THADA: variants seen among roughly 807,000 people sequenced by gnomAD.
The protein encoded by THADA is tRNA (32-2'-O)-methyltransferase regulator THADA.
Under a neutral mutation model 219.8 loss-of-function variants are expected in THADA, and 213 were observed. The observed-to-expected ratio is 0.97, with a 90% CI of 0.87 to 1.09. THADA has a LOEUF of 1.09. Among genes scored for constraint, THADA ranks in the 50% least tolerant of loss-of-function variants. THADA has a pLI of 0.00. For synonymous variants in THADA, 1,018 were observed against 828.9 expected (o/e 1.23, Z -3.92); for missense variants, 2,956 against 2,311.3 (o/e 1.28, Z -5.72).
At chr2:43,326,888 C>A (rs1679396572) in intron 30 of THADA, among the ~76,000 whole-genome samples, 1 of 152,292 alleles carries the variant, frequency 6.6e-6, no homozygotes, top group South Asian at 2.1e-4. Flanking sequence ...GGGCTGGAAA[C>A]TGCTGTTTTG....
intron 29 of THADA, among the ~76,000 whole-genome samples, chr2:43,368,262 A>C (rs556028434): frequency 6.6e-6 from 1 of 152,318 alleles, no homozygotes; most frequent in East Asian, 1.9e-4. Context: ...CATCTTAAGG[A>C]GGTACAAAAG....
At chr2:43,550,858 G>A (rs999530243) in intron 19 of THADA, among the ~76,000 whole-genome samples, 8 of 152,138 alleles carry the variant, frequency 5.3e-5, no homozygotes, top group African/African-American at 1.9e-4. Context: ...CAGCACAGTG[G>A]CTAAGGCCTG....
At chr2:43,336,819 G>A (rs1474800480) in intron 30 of THADA, among the ~76,000 whole-genome samples, 3 of 152,102 alleles carry the variant, frequency 2.0e-5, no homozygotes, top group Admixed American at 6.6e-5. Flanking sequence ...CAATAGCAAG[G>A]GATACAAACT....
Position 43,291,703 on chromosome 2 carries a change from C to T in THADA, c.5003G>A (p.Cys1668Tyr). 12 of 1,554,422 alleles carry T rather than the reference C, an allele frequency of 7.7e-6. No individual in the cohort carries two copies. The highest frequency in any genetic ancestry group is 2.0e-5 in the Admixed American group (1 of 51,096). The change falls in exon 34 of 38, where the codon TGT (cysteine) becomes TAT (tyrosine). Residue 1668 changes from cysteine (C) to tyrosine (Y), a missense_variant. Coordinates refer to ENST00000405975, the MANE Select transcript of THADA (RefSeq NM_022065.5). Reference protein sequence around the residue: ...SKVISHHMQTCVENRELIAAE... With the variant: ...SKVISHHMQTYVENRELIAAE... ...GATCAGAACCAGCCTTACCTCCACA[C>T]ATGTCTGCATGTGGTGGGAAATGAC...
At chr2:43,246,522 A>AC (rs1231777879) in intron 36 of THADA, among the ~76,000 whole-genome samples, 224 of 151,370 alleles carry the variant, frequency 1.5e-3, no homozygotes, top group African/African-American at 5.1e-3. Context: ...AAACAAACAA[A>AC]AAAAAACAGA....
At chr2:43,445,002 G>A (rs186894709) in intron 26 of THADA, among the ~76,000 whole-genome samples, 7 of 152,268 alleles carry the variant, frequency 4.6e-5, no homozygotes, top group Admixed American at 3.3e-4. Flanking sequence ...AAATGCTGAA[G>A]GCCAAAGCCT....
At chr2:43,518,650 G>C (rs1692031941) in intron 22 of THADA, among the ~76,000 whole-genome samples, 1 of 152,198 alleles carries the variant, frequency 6.6e-6, no homozygotes, top group Admixed American at 6.5e-5. Context: ...TATGAGCAAT[G>C]TCTCTGAGTT....
intron 35 of THADA, among the ~76,000 whole-genome samples, chr2:43,284,431 G>A (rs963023964): frequency 3.9e-5 from 6 of 152,222 alleles, no homozygotes; most frequent in Admixed American, 3.9e-4. Flanking sequence ...TTGCTTCAGA[G>A]GGTGCAAGCC....
intron 31 of THADA, among the ~76,000 whole-genome samples, chr2:43,295,269 A>C (rs1675235786): frequency 6.6e-6 from 1 of 152,378 alleles, no homozygotes; most frequent in Non-Finnish European, 1.5e-5. Context: ...CTAAATGCCC[A>C]AAATCAAATA....
intron 9 of THADA, 87 bp from the exon 10 acceptor site, chr2:43,577,329 C>T (rs1699966135): frequency 1.9e-6 from 2 of 1,070,758 alleles, no homozygotes; most frequent in East Asian, 2.6e-5. Flanking sequence ...CATCTCTTTC[C>T]CCTGAAAAAT....
chr2:43,413,800 C>G (rs62137424), intron 28 of THADA, among the ~76,000 whole-genome samples: 33 of 152,280 alleles, frequency 2.2e-4, no homozygotes, highest in Admixed American at 3.9e-4. Flanking sequence ...TCCCACAGTT[C>G]TTAAATGGAT....
chr2:43,481,678 A>C (rs1686245324), intron 26 of THADA, among the ~76,000 whole-genome samples: 1 of 152,278 alleles, frequency 6.6e-6, no homozygotes, highest in Middle Eastern at 3.4e-3. Context: ...CTGAACTGTA[A>C]ACTCCTTGAG....
intron 21 of THADA, among the ~76,000 whole-genome samples, chr2:43,530,759 C>A (rs1483039568): frequency 6.6e-5 from 10 of 152,202 alleles, no homozygotes. Flanking sequence ...TATTCAAACT[C>A]CCTTCGAAGA....
At chr2:43,577,368 A>T in intron 9 of THADA, 126 bp from the exon 10 acceptor site, 1 of 727,486 alleles carries the variant, frequency 1.4e-6, no homozygotes, top group South Asian at 1.9e-5. Flanking sequence ...ATCCAAAGAT[A>T]AAATACCCAC....
At chr2:43,550,992 C>G (rs1696679035) in intron 19 of THADA, among the ~76,000 whole-genome samples, 1 of 152,182 alleles carries the variant, frequency 6.6e-6, no homozygotes, top group African/African-American at 2.4e-5. Flanking sequence ...GGTATTTAGA[C>G]TAACAACAGG....
At chr2:43,444,491 G>C (rs1681264058) in intron 26 of THADA, among the ~76,000 whole-genome samples, 1 of 152,110 alleles carries the variant, frequency 6.6e-6, no homozygotes, top group Non-Finnish European at 1.5e-5. Flanking sequence ...TCTAGTTCTT[G>C]AGTTTTTAGA....
intron 26 of THADA, among the ~76,000 whole-genome samples, chr2:43,461,569 T>A (rs182471227): frequency 6.6e-6 from 1 of 152,178 alleles, no homozygotes; most frequent in Non-Finnish European, 1.5e-5. Flanking sequence ...TCTGGGTTAA[T>A]AGAGTCTTTG....
intron 26 of THADA, among the ~76,000 whole-genome samples, chr2:43,443,381 C>T (rs1485721582): frequency 6.6e-6 from 1 of 151,998 alleles, no homozygotes; most frequent in Non-Finnish European, 1.5e-5. Flanking sequence ...AAATGAGTAC[C>T]CTGCCAGAGC....
rs183410882 is a variant in THADA, at chr2:43,482,860, C to T, written c.3836+2374G>A. Reference sequence around the variant, plus strand: ...CCAATATGTTAAAGAAAATGAACTTCTAATAGTTTGTTTTATCCTCACAAT... The same window carrying T: ...CCAATATGTTAAAGAAAATGAACTTTTAATAGTTTGTTTTATCCTCACAAT... On this transcript the variant is annotated intron_variant, in intron 26 of 37. Coordinates refer to ENST00000405975, the MANE Select transcript of THADA (RefSeq NM_022065.5). 2.0e-5 allele frequency among the ~76,000 whole-genome samples: 3 copies of T among 152,262 alleles called. No individual in the cohort carries two copies. In the East Asian group the frequency reaches 5.8e-4, roughly 29 times the overall value.
Sources: gnomAD v4.1 joint callset for allele counts (sites outside exome capture counted in the v4.1 genomes callset) on GRCh38, gnomAD v4.1.1 for gene constraint, MANE v1.5 for transcripts, NCBI Gene and HGNC (gene_info 2026-07-23, HGNC 2026-07-21) for gene names.